The following SLC6A16 variants were observed in gnomAD, a reference collection of about 807,000 sequenced individuals.
The protein encoded by SLC6A16 is orphan sodium- and chloride-dependent neurotransmitter transporter NTT5.
A neutral mutation model predicts 65.4 loss-of-function variants in SLC6A16; 54 were observed. That is an observed-to-expected ratio of 0.83 (90% CI 0.66 to 1.04). The LOEUF (loss-of-function observed/expected upper bound fraction) is 1.04, where lower values mean the gene tolerates loss of function less well. Ranked by LOEUF, SLC6A16 falls within the 50% of genes least tolerant of loss-of-function variation. The pLI, the probability that SLC6A16 is intolerant of heterozygous loss-of-function variation, is 0.00. For synonymous variants in SLC6A16, 330 were observed against 346.5 expected (o/e 0.95, Z 0.53); for missense variants, 816 against 914.0 (o/e 0.89, Z 1.38).
chr19:49,312,617 A>T lies in SLC6A16; in HGVS notation c.-64-1206T>A, dbSNP rs907403127. 5 of 976,392 alleles carry T rather than the reference A, an allele frequency of 5.1e-6. No individual in the cohort carries two copies. In the African/African-American group the frequency reaches 8.8e-5, roughly 17 times the overall value. The allele number at this position is 976,392 out of a possible 1,614,324, so 60.5% of individuals were successfully genotyped here. A position where few individuals can be genotyped will look rare whatever the true frequency, so the allele number is the denominator to read the frequency against. ...GAAAAGGCAAGGAGTGTGCTGAAAA[A>T]AAAAAAGTTACATGAAAGAGAGGAA... On this transcript the variant is annotated intron_variant, in intron 1 of 11. Coordinates refer to ENST00000335875, the MANE Select transcript of SLC6A16 (RefSeq NM_014037.3).
In SLC6A16 at chr19:49,290,063, TAA is replaced by T. The variant is rs1317348568; in HGVS notation, c.*58_*59del. On this transcript the variant is annotated 3_prime_UTR_variant, in exon 12 of 12. Coordinates refer to ENST00000335875, the MANE Select transcript of SLC6A16 (RefSeq NM_014037.3). ...GAGATCAACAGTTGCAAGCTGATAT[TAA>T]GAGTTGTCTATTGGATCTGTTCTAA... The T allele has an allele frequency of 6.6e-7, 1 of 1,520,760 alleles. No homozygotes were observed. The highest frequency in any genetic ancestry group is 2.3e-5 in the East Asian group (1 of 44,196). The allele number at this position is 1,520,760 out of a possible 1,614,324, so 94.2% of individuals were successfully genotyped here.
chr19:49,338,708 C>T, the SLC6A16 span: 1 of 1,610,612 alleles, frequency 6.2e-7, no homozygotes, highest in Non-Finnish European at 8.5e-7. The surrounding 1 kb of genome is among the most constrained non-coding windows in gnomAD (Gnocchi z 5.0). Context: ...AGCTGCGCTG[C>T]TGCGGCTGGC....
In SLC6A16 at chr19:49,325,157, G is replaced by T; in HGVS notation, c.-174C>A. On this transcript the variant is annotated 5_prime_UTR_variant, in exon 1 of 12. Coordinates refer to ENST00000335875, the MANE Select transcript of SLC6A16 (RefSeq NM_014037.3). ...GCAATCTCCTCAGGCCCCTTCAGGCGTCGACAGATCGGTTTGGGCGACACC... is the reference window on the plus strand; with the variant it reads ...GCAATCTCCTCAGGCCCCTTCAGGCTTCGACAGATCGGTTTGGGCGACACC... 2.0e-6 allele frequency: 2 copies of T among 985,500 alleles called. No homozygotes were observed. Among genetic ancestry groups the T allele is most frequent in the Non-Finnish European group, 2.4e-6 (2 of 829,960 alleles). The allele number at this position is 985,500 out of a possible 1,614,324, so 61.0% of individuals were successfully genotyped here.
intron 1 of SLC6A16, among the ~76,000 whole-genome samples, chr19:49,323,021 A>G (rs1970740597): frequency 6.6e-6 from 1 of 152,022 alleles, no homozygotes; most frequent in Non-Finnish European, 1.5e-5. Flanking sequence ...TGTGTTACTC[A>G]CATAAAGATA....
intron 1 of SLC6A16, 41 bp from the exon 2 acceptor site, chr19:49,311,452 CA>C: frequency 7.9e-7 from 1 of 1,267,076 alleles, no homozygotes; most frequent in South Asian, 1.6e-5. Flanking sequence ...ATTTTAGAGT[CA>C]AGTAACTACT....
Position 49,292,629 on chromosome 19 carries a change from A to G in SLC6A16, c.1778+594T>C, listed in dbSNP as rs1475964211. On this transcript the variant is annotated intron_variant, in intron 10 of 11. Transcript: ENST00000335875. This position sits in a 1 kb window ranked among gnomAD's most constrained non-coding sequence, Gnocchi z 4.3. ...TGGCCACCATCACTTCTCTAGCCCC[A>G]TCTCCTAATATCTTCTATTCCAGCC... 2.0e-5 allele frequency among the ~76,000 whole-genome samples: 3 copies of G among 152,118 alleles called. No homozygotes were observed. The highest frequency in any genetic ancestry group is 7.2e-5 in the African/African-American group (3 of 41,428).
At chr19:49,293,578 A>G (rs984732917) in intron 9 of SLC6A16, among the ~76,000 whole-genome samples, 196 bp from the exon 10 acceptor site, 3 of 152,140 alleles carry the variant, frequency 2.0e-5, no homozygotes, top group Non-Finnish European at 4.4e-5. Flanking sequence ...CAGCCAGGCA[A>G]CATGGTGAAA....
intron 1 of SLC6A16, among the ~76,000 whole-genome samples, chr19:49,317,488 G>A (rs1474120761): frequency 6.6e-6 from 1 of 152,118 alleles, no homozygotes; most frequent in Non-Finnish European, 1.5e-5. Flanking sequence ...AGTGTCTGGA[G>A]TTACCTCCAC....
intron 7 of SLC6A16, among the ~76,000 whole-genome samples, chr19:49,297,464 A>AT (rs774022420): frequency 5.9e-5 from 9 of 152,246 alleles, no homozygotes; most frequent in Non-Finnish European, 1.3e-4. Context: ...CAGAACTCTC[A>AT]TACCATACTA....
Position 49,323,141 on chromosome 19 carries a change from G to A in SLC6A16, c.-65+1907C>T, listed in dbSNP as rs552577187. On this transcript the variant is annotated intron_variant, in intron 1 of 11. Transcript: ENST00000335875. ...TAAAGGACAGTCTTTTCAACAAATG[G>A]TGCTGGGAAAACTGGATTATGTACA... Among the ~76,000 whole-genome samples the A allele has an allele frequency of 5.7e-4, 87 of 152,166 alleles. 1 individual carries two copies. The highest frequency in any genetic ancestry group is 3.3e-3 in the Admixed American group (51 of 15,276).
chr19:49,340,248 T>C, the SLC6A16 span: 1 of 1,610,528 alleles, frequency 6.2e-7, no homozygotes, highest in Non-Finnish European at 8.5e-7. Context: ...CCTTTCTCTA[T>C]AGCTCGGGTT....
intron 1 of SLC6A16, among the ~76,000 whole-genome samples, chr19:49,323,680 A>C (rs918141090): frequency 1.3e-5 from 2 of 152,244 alleles, no homozygotes; most frequent in Non-Finnish European, 2.9e-5. Flanking sequence ...CGCATCCATT[A>C]GGATGGCTAA....
intron 8 of SLC6A16, 82 bp from the exon 9 acceptor site, chr19:49,294,110 T>C: frequency 8.0e-7 from 1 of 1,247,384 alleles, no homozygotes; most frequent in Non-Finnish European, 1.1e-6. Flanking sequence ...CATTCTATCT[T>C]CCCTGGAAAA....
intron 10 of SLC6A16, 104 bp downstream of exon 10, chr19:49,293,119 G>T (rs990126321): frequency 1.0e-6 from 1 of 967,556 alleles, no homozygotes. Context: ...TGAACTTAAG[G>T]GTCCCTATGT....
intron 1 of SLC6A16, among the ~76,000 whole-genome samples, chr19:49,321,157 A>G (rs185492728): frequency 8.5e-5 from 13 of 152,318 alleles, no homozygotes; most frequent in Admixed American, 8.5e-4. Context: ...TAAAAGGATT[A>G]TATACCATGA....
intron 1 of SLC6A16, among the ~76,000 whole-genome samples, chr19:49,316,857 C>CAA (rs34224524): frequency 6.5e-5 from 8 of 123,572 alleles, no homozygotes; most frequent in South Asian, 2.6e-4. Context: ...CCATCTCTAC[C>CAA]AAAAAAAAAA....
At chr19:49,337,733 G>C in the SLC6A16 span, 1 of 1,536,106 alleles carries the variant, frequency 6.5e-7, no homozygotes, top group Non-Finnish European at 8.7e-7. Flanking sequence ...TGAAAGAAGA[G>C]ACAGAGACTT....
At chr19:49,336,844 G>A in the SLC6A16 span, 1 of 1,585,360 alleles carries the variant, frequency 6.3e-7, no homozygotes, top group Admixed American at 1.7e-5. Context: ...GGCTGCCTAG[G>A]TGGGAAATGG....
chr19:49,311,480 C>A, intron 1 of SLC6A16, 69 bp from the exon 2 acceptor site: 1 of 967,464 alleles, frequency 1.0e-6, no homozygotes, highest in South Asian at 2.1e-5. Context: ...CAAAACAATC[C>A]TCAACATCTC....
Sources: gnomAD v4.1 joint callset for allele counts (sites outside exome capture counted in the v4.1 genomes callset) on GRCh38, gnomAD v4.1.1 for gene constraint, Gnocchi (gnomAD v3.1) non-coding constraint, MANE v1.5 for transcripts, NCBI Gene and HGNC (gene_info 2026-07-23, HGNC 2026-07-21) for gene names.